The following LSM14A variants were observed in gnomAD, a reference collection of about 807,000 sequenced individuals.
The protein encoded by LSM14A is protein LSM14 homolog A.
LSM14A carries 14 observed loss-of-function variants against 52.4 expected under a neutral mutation model. That is an observed-to-expected ratio of 0.27 (90% confidence interval 0.18 to 0.42). The LOEUF is 0.42. LSM14A is among the 10% of genes least tolerant of loss of function. LSM14A has a pLI of 1.00. For synonymous variants in LSM14A, 185 were observed against 200.3 expected (o/e 0.92, Z 0.64); for missense variants, 417 against 581.8 (o/e 0.72, Z 2.91).
Position 34,228,728 on chromosome 19 carries a change from C to T in LSM14A, c.*1340C>T, listed in dbSNP as rs2073461307. ...GATCCAAAGATTTAAATATTTTTAT[C>T]TAATATTTTGATTGTTTTCTTAACT... On this transcript the variant is annotated 3_prime_UTR_variant, in exon 10 of 10. Transcript: ENST00000544216. 1 of 152,572 alleles carries T rather than the reference C, an allele frequency of 6.6e-6. No individual in the cohort carries two copies. Among genetic ancestry groups the T allele is most frequent in the Non-Finnish European group, 1.5e-5 (1 of 68,028 alleles). The allele number at this position is 152,572 out of a possible 1,614,324, so 9.5% of individuals were successfully genotyped here.
In LSM14A at chr19:34,201,367, G is replaced by A. The variant is rs192620741; in HGVS notation, c.415+4604G>A. Among the ~76,000 whole-genome samples the A allele has an allele frequency of 8.1e-4, 124 of 152,260 alleles. 2 individuals carry two copies. In the South Asian group the frequency reaches 0.013, roughly 17 times the overall value. ...TAAATTTAGCTTGTTTTTTGAGATG[G>A]CGTCTTGCTCTGTCACCCAGGCTAG... On this transcript the variant is annotated intron_variant, in intron 3 of 9. Transcript: ENST00000544216.
chr19:34,215,127 G>A lies in LSM14A; in HGVS notation c.542G>A (p.Arg181His), dbSNP rs762133483. The change falls in exon 5 of 10, where the codon CGC becomes CAC. Residue 181 changes from arginine (R) to histidine (H), a missense_variant. Coordinates refer to ENST00000544216, the MANE Select transcript of LSM14A (RefSeq NM_015578.4). ...TTATCTTTTGGTTACATTTTAGGTC[G>A]CTCAAGCCCTCAGTTAGACCCTTTG... ...RSLKTQLSQG[R>H]SSPQLDPLRK... is the part of the protein sequence containing the mutation. 1.1e-5 allele frequency: 18 copies of A among 1,604,382 alleles called. No individual in the cohort carries two copies. Among genetic ancestry groups the A allele is most frequent in the Non-Finnish European group, 1.2e-5 (14 of 1,176,978 alleles).
intron 3 of LSM14A, 44 bp downstream of exon 3, chr19:34,196,807 CT>C (rs780108084): frequency 6.6e-7 from 1 of 1,518,478 alleles, no homozygotes; most frequent in South Asian, 1.2e-5. Flanking sequence ...TGTATTCTTC[CT>C]TTCTTTACCA....
chr19:34,176,102 G>C (rs2069072899), intron 1 of LSM14A, among the ~76,000 whole-genome samples: 1 of 152,062 alleles, frequency 6.6e-6, no homozygotes, highest in Admixed American at 6.6e-5. Context: ...CACCCACCTT[G>C]GCCTCCCAAA....
chr19:34,204,840 A>G (rs1412701893), intron 3 of LSM14A, among the ~76,000 whole-genome samples: 1 of 152,224 alleles, frequency 6.6e-6, no homozygotes, highest in Non-Finnish European at 1.5e-5. Context: ...ATTAGAAAAC[A>G]AGAATTTTCG....
In LSM14A at chr19:34,221,630, C is replaced by T; in HGVS notation, c.1260C>T (p.Gly420=). 1.9e-6 allele frequency: 3 copies of T among 1,614,026 alleles called. No homozygotes were observed. The highest frequency in any genetic ancestry group is 2.5e-6 in the Non-Finnish European group (3 of 1,180,016). Residue 420 remains glycine, a synonymous_variant, in exon 9 of 10, where the codon GGC becomes GGT. Transcript: ENST00000544216. ...GAGGAGGTCTTGGTTTCCGTGGTGG[C>T]AGAGGGCGTGGTGGTGGCAGAGGTG... ...RGRGGLGFRG[G]RGRGGGRGGT...
At position 34,215,662 on chromosome 19, in the gene LSM14A, G is replaced by A. The variant is rs759689789; in HGVS notation, c.781+1G>A. 6.2e-7 allele frequency: 1 copy of A among 1,606,018 alleles called. No homozygotes were observed. The highest frequency in any genetic ancestry group is 1.1e-5 in the South Asian group (1 of 90,820). On this transcript the variant is annotated splice_donor_variant, in intron 6 of 9. Coordinates refer to ENST00000544216, the MANE Select transcript of LSM14A (RefSeq NM_015578.4). LOFTEE classifies it high-confidence loss of function. Reference sequence around the variant, plus strand: ...AGAAATGATAACAAGAGACAAGTAGGTAAGTTCTTGGATCTAAAAGTCATA... The same window carrying A: ...AGAAATGATAACAAGAGACAAGTAGATAAGTTCTTGGATCTAAAAGTCATA...
intron 3 of LSM14A, among the ~76,000 whole-genome samples, chr19:34,200,354 G>T (rs941282879): frequency 6.6e-6 from 1 of 152,114 alleles, no homozygotes; most frequent in Non-Finnish European, 1.5e-5. Flanking sequence ...TTAAAAAGTT[G>T]GTGTGAAGAA....
At chr19:34,220,791 C>T (rs1286060086) in intron 8 of LSM14A, among the ~76,000 whole-genome samples, 1 of 152,118 alleles carries the variant, frequency 6.6e-6, no homozygotes, top group East Asian at 1.9e-4. Flanking sequence ...TAGATTGGGC[C>T]AGGAACATAA....
chr19:34,197,621 A>G (rs1406738363), intron 3 of LSM14A, among the ~76,000 whole-genome samples: 2 of 150,592 alleles, frequency 1.3e-5, no homozygotes, highest in African/African-American at 2.4e-5. Flanking sequence ...TTGTATTTTT[A>G]GTAGAGATGG....
intron 1 of LSM14A, among the ~76,000 whole-genome samples, chr19:34,177,725 A>AAAAAGTTTT (rs113036791): frequency 6.6e-6 from 1 of 151,222 alleles, no homozygotes; most frequent in Non-Finnish European, 1.5e-5. Flanking sequence ...CCATTTCTAC[A>AAAAAGTTTT]AAAAATTTTA....
At chr19:34,204,573 G>T (rs931490068) in intron 3 of LSM14A, among the ~76,000 whole-genome samples, 2 of 150,808 alleles carry the variant, frequency 1.3e-5, no homozygotes, top group Non-Finnish European at 3.0e-5. Flanking sequence ...AATTTAAGTA[G>T]CTGGGTGTGG....
chr19:34,214,984 T>G, intron 4 of LSM14A, 140 bp from the exon 5 acceptor site: 1 of 502,442 alleles, frequency 2.0e-6, no homozygotes, highest in Non-Finnish European at 3.5e-6. Context: ...TCTTAATATC[T>G]GGTCTGATAA....
At chr19:34,225,596 A>T (rs140540959) in intron 9 of LSM14A, among the ~76,000 whole-genome samples, 1 of 152,198 alleles carries the variant, frequency 6.6e-6, no homozygotes, top group Admixed American at 6.5e-5. Flanking sequence ...ATAAAATCAT[A>T]AAGTTTTAGA....
At chr19:34,185,238 G>A (rs1299423892) in intron 1 of LSM14A, among the ~76,000 whole-genome samples, 1 of 152,202 alleles carries the variant, frequency 6.6e-6, no homozygotes, top group African/African-American at 2.4e-5. Flanking sequence ...TGGAAGTGGA[G>A]GTAGTTTTTT....
At chr19:34,217,917 T>C (rs2072772222) in intron 6 of LSM14A, among the ~76,000 whole-genome samples, 1 of 151,064 alleles carries the variant, frequency 6.6e-6, no homozygotes, top group African/African-American at 2.4e-5. Flanking sequence ...ACCAAAGAGG[T>C]TCATTAACAG....
intron 3 of LSM14A, among the ~76,000 whole-genome samples, chr19:34,204,806 A>T (rs906503022): frequency 1.3e-5 from 2 of 152,120 alleles, no homozygotes; most frequent in Non-Finnish European, 2.9e-5. Context: ...GTTTAGAAAA[A>T]TTTTCATAGC....
At chr19:34,205,616 A>G (rs1053202014) in intron 3 of LSM14A, among the ~76,000 whole-genome samples, 21 of 151,906 alleles carry the variant, frequency 1.4e-4, no homozygotes, top group African/African-American at 5.1e-4. Context: ...CAGCAGTTCA[A>G]GGTTGCAGTG....
intron 3 of LSM14A, among the ~76,000 whole-genome samples, chr19:34,199,385 C>T (rs1340934318): frequency 6.6e-6 from 1 of 152,136 alleles, no homozygotes; most frequent in East Asian, 1.9e-4. Flanking sequence ...CCCATCTTGG[C>T]CTCCAAAAGT....
Sources: allele counts gnomAD v4.1 joint callset (sites outside exome capture counted in the v4.1 genomes callset), GRCh38; gene constraint gnomAD v4.1.1; transcripts MANE v1.5; gene names NCBI Gene and HGNC (gene_info 2026-07-23, HGNC 2026-07-21).